Variants in RIMS1 observed in about 807,000 individuals in gnomAD.
The protein encoded by RIMS1 is regulating synaptic membrane exocytosis protein 1.
In RIMS1, 83 loss-of-function variants were observed where a neutral mutation model predicts 214.1. The observed-to-expected ratio is 0.39, with a 90% CI of 0.32 to 0.47. The LOEUF is 0.47. Among genes scored for constraint, RIMS1 ranks in the 20% least tolerant of loss-of-function variants. The probability of loss-of-function intolerance (pLI) is 0.99; values close to 1 mark genes in which losing one functional copy is unlikely to be tolerated. For missense variants in RIMS1, 2,050 were observed against 2,161.8 expected (o/e 0.95, Z 1.03); for synonymous variants, 793 against 786.8 (o/e 1.01, Z -0.13).
intron 1 of RIMS1, among the ~76,000 whole-genome samples, chr6:71,906,017 G>A (rs1009919628): frequency 1.3e-5 from 2 of 152,250 alleles, no homozygotes. Flanking sequence ...GTACTCCAGT[G>A]TGTCCCAGAA....
Position 71,890,030 on chromosome 6 carries a change from G to A in RIMS1, c.164+2843G>A, listed in dbSNP as rs76371062. Among the ~76,000 whole-genome samples the A allele has an allele frequency of 9.8e-3, 1,489 of 152,164 alleles. 32 individuals are homozygous for A. Among genetic ancestry groups the A allele is most frequent in the African/African-American group, 0.032 (1,345 of 41,512 alleles). On this transcript the variant is annotated intron_variant, in intron 1 of 33. Transcript: ENST00000521978. ...CTTTTCACAATGTATAAAAATAGGC[G>A]CAGAGAGAAAATAGAAAATGATGGA... is the stretch of plus-strand genomic sequence containing the variant.
intron 4 of RIMS1, among the ~76,000 whole-genome samples, chr6:72,114,738 G>C (rs947750546): frequency 2.0e-5 from 3 of 151,662 alleles, no homozygotes; most frequent in East Asian, 1.9e-4. Flanking sequence ...TGAAACTCCA[G>C]TGTTTAAAAC....
intron 31 of RIMS1, among the ~76,000 whole-genome samples, chr6:72,397,046 TGG>T (rs1264671402): frequency 6.6e-6 from 1 of 151,988 alleles, no homozygotes. Context: ...GCTTAAAATT[TGG>T]AAATTTATTT....
chr6:72,173,905 A>G (rs1389340073), intron 4 of RIMS1, among the ~76,000 whole-genome samples: 1 of 152,120 alleles, frequency 6.6e-6, no homozygotes, highest in East Asian at 1.9e-4. Flanking sequence ...CCAGAATGAG[A>G]AAGGCTCTTT....
chr6:72,253,832 T>G (rs921934645), intron 16 of RIMS1, among the ~76,000 whole-genome samples: 20 of 152,116 alleles, frequency 1.3e-4, no homozygotes, highest in African/African-American at 4.3e-4. Flanking sequence ...AGGTTTCATT[T>G]GTTCCCTATA....
intron 16 of RIMS1, 44 bp downstream of exon 16, chr6:72,252,876 G>A: frequency 6.8e-7 from 1 of 1,460,346 alleles, no homozygotes; most frequent in Non-Finnish European, 9.4e-7. Flanking sequence ...GTGCTGCTTT[G>A]CTTGTTTTCT....
intron 28 of RIMS1, among the ~76,000 whole-genome samples, chr6:72,324,182 G>T (rs571894216): frequency 1.3e-5 from 2 of 151,996 alleles, no homozygotes; most frequent in African/African-American, 4.8e-5. Context: ...TAGCCTTGAG[G>T]AAGAATGAAG....
chr6:72,347,520 C>T (rs1257442041), intron 29 of RIMS1, among the ~76,000 whole-genome samples: 6 of 151,744 alleles, frequency 4.0e-5, no homozygotes, highest in Non-Finnish European at 7.4e-5. Context: ...ATGGTGTAGG[C>T]CACAGATATT....
At chr6:72,313,107 A>T (rs1195087365) in intron 27 of RIMS1, among the ~76,000 whole-genome samples, 3 of 152,168 alleles carry the variant, frequency 2.0e-5, no homozygotes, top group African/African-American at 7.2e-5. Flanking sequence ...TTTGATTAGG[A>T]ATGCTCAGCC....
intron 23 of RIMS1, among the ~76,000 whole-genome samples, chr6:72,278,659 C>T (rs1030218426): frequency 5.9e-5 from 9 of 151,954 alleles, no homozygotes; most frequent in Non-Finnish European, 1.2e-4. Context: ...TTCAAAAATA[C>T]TCTTTCTTTG....
At chr6:72,034,186 A>G (rs1818928793) in intron 2 of RIMS1, among the ~76,000 whole-genome samples, 1 of 152,198 alleles carries the variant, frequency 6.6e-6, no homozygotes, top group African/African-American at 2.4e-5. Flanking sequence ...TAAATTTCTG[A>G]TAAACAATGA....
intron 2 of RIMS1, among the ~76,000 whole-genome samples, chr6:72,087,203 AT>A (rs1834885457): frequency 6.6e-6 from 1 of 152,228 alleles, no homozygotes; most frequent in Non-Finnish European, 1.5e-5. Context: ...CATAGGATCC[AT>A]GAAGTTCAAG....
chr6:72,241,998 T>C (rs995383190), intron 9 of RIMS1, among the ~76,000 whole-genome samples: 3 of 152,200 alleles, frequency 2.0e-5, no homozygotes, highest in Non-Finnish European at 4.4e-5. Context: ...TAGGCTGTGC[T>C]AATTCCATCC....
chr6:72,154,006 CATA>C (rs2044096541), intron 4 of RIMS1, among the ~76,000 whole-genome samples: 1 of 151,952 alleles, frequency 6.6e-6, no homozygotes, highest in Non-Finnish European at 1.5e-5. Flanking sequence ...AATGAAGGAA[CATA>C]ATTATTATCT....
chr6:72,175,366 C>T (rs1237681450), intron 4 of RIMS1: 5 of 424,616 alleles, frequency 1.2e-5, no homozygotes, highest in Admixed American at 5.2e-5. Flanking sequence ...ATAAGGAAGA[C>T]ATTTGTGTTA....
At chr6:71,920,062 G>T (rs1310802693) in intron 1 of RIMS1, among the ~76,000 whole-genome samples, 1 of 152,080 alleles carries the variant, frequency 6.6e-6, no homozygotes, top group Admixed American at 6.6e-5. Flanking sequence ...AACTGTCTGG[G>T]GCCAGTTAAT....
At position 72,306,302 on chromosome 6, in the gene RIMS1, T is replaced by C. The variant is rs9360548; in HGVS notation, c.3851-956T>C. Among the ~76,000 whole-genome samples, 3,981 of 151,898 alleles carry C rather than the reference T, an allele frequency of 0.026. 342 individuals carry two copies. In the East Asian group the frequency reaches 0.31, roughly 12 times the overall value. On this transcript the variant is annotated intron_variant, in intron 26 of 33. Transcript: ENST00000521978. Reference sequence around the variant, plus strand: ...ACAACTTAAAAATCTGAATACTTGTTGCAGAAGTTGAGTTGTCTGGGAAGT... The same window carrying C: ...ACAACTTAAAAATCTGAATACTTGTCGCAGAAGTTGAGTTGTCTGGGAAGT...
At chr6:72,222,148 A>G (rs545712648) in intron 6 of RIMS1, among the ~76,000 whole-genome samples, 35 of 152,184 alleles carry the variant, frequency 2.3e-4, no homozygotes, top group African/African-American at 8.2e-4. Context: ...AATCTTTCAA[A>G]TGGTAATTTT....
At chr6:72,218,819 A>G (rs2057333838) in intron 6 of RIMS1, among the ~76,000 whole-genome samples, 1 of 152,206 alleles carries the variant, frequency 6.6e-6, no homozygotes, top group African/African-American at 2.4e-5. Flanking sequence ...ACCAGTCTGA[A>G]TTATAGTCTC....
Sources: allele counts gnomAD v4.1 joint callset (sites outside exome capture counted in the v4.1 genomes callset), GRCh38; gene constraint gnomAD v4.1.1; transcripts MANE v1.5; gene names NCBI Gene and HGNC (gene_info 2026-07-23, HGNC 2026-07-21).